MSH3: variants seen among roughly 807,000 people sequenced by gnomAD.
MSH3 encodes the protein mutS homolog 3.
In MSH3, 106 loss-of-function variants were observed where a neutral mutation model predicts 123.3. The ratio of observed to expected loss-of-function variants is 0.86; its 90% confidence interval spans 0.73 to 1.01. MSH3 has a LOEUF of 1.01. Ranked by LOEUF, MSH3 falls within the 50% of genes least tolerant of loss-of-function variation. The pLI, the probability that MSH3 is intolerant of heterozygous loss-of-function variation, is 0.00. For missense variants in MSH3, 1,459 were observed against 1,347.6 expected (o/e 1.08, Z -1.29); for synonymous variants, 515 against 481.4 (o/e 1.07, Z -0.91).
At position 80,686,072 on chromosome 5, in the gene MSH3, G is replaced by T. The variant is rs79323088; in HGVS notation, c.1340+6979G>T. Among the ~76,000 whole-genome samples, 361 of 152,238 alleles carry T rather than the reference G, an allele frequency of 2.4e-3. 1 individual carries two copies. Among genetic ancestry groups the T allele is most frequent in the African/African-American group, 8.4e-3 (349 of 41,550 alleles). On this transcript the variant is annotated intron_variant, in intron 8 of 23. Transcript: ENST00000265081. ...AGACTTGTTTTGTGACCTAACATAT[G>T]ATCTAATCTCGAGAATGTTTAGATC...
chr5:80,801,337 T>C (rs1468174045), intron 19 of MSH3, among the ~76,000 whole-genome samples: 1 of 152,186 alleles, frequency 6.6e-6, no homozygotes, highest in Non-Finnish European at 1.5e-5. Context: ...CAGGAGGTTT[T>C]ATTTACCTAG....
intron 2 of MSH3, among the ~76,000 whole-genome samples, chr5:80,662,577 A>C (rs1384910076): frequency 6.6e-6 from 1 of 152,202 alleles, no homozygotes; most frequent in Admixed American, 6.5e-5. Context: ...CTTTAATCAC[A>C]GCACTTTGGG....
Position 80,869,831 on chromosome 5 carries a change from T to TAC in MSH3, c.3131-3283_3131-3282dup, listed in dbSNP as rs1375132984. On this transcript the variant is annotated intron_variant, in intron 22 of 23. Transcript: ENST00000265081. Reference sequence around the variant, plus strand: ...ATATATACATATATATATACATATATACATATATATACACACACACACACA... The same window carrying TAC: ...ATATATACATATATATATACATATATACACATATATATACACACACACACACA... 3.9e-4 allele frequency among the ~76,000 whole-genome samples: 19 copies of TAC among 48,816 alleles called. No homozygotes were observed. In the East Asian group the frequency reaches 6.9e-3, roughly 18 times the overall value. The allele number at this position is 48,816 out of a possible 152,430, so 32.0% of individuals were successfully genotyped here.
At chr5:80,688,852 CTTGATGGTACCAAT>C (rs1452390858) in intron 8 of MSH3, among the ~76,000 whole-genome samples, 1 of 151,960 alleles carries the variant, frequency 6.6e-6, no homozygotes, top group Non-Finnish European at 1.5e-5. Flanking sequence ...GTGGTCGGTA[CTTGATGGTACCAAT>C]TTCGTGATTG....
intron 19 of MSH3, among the ~76,000 whole-genome samples, chr5:80,808,768 G>T (rs186273130): frequency 6.7e-6 from 1 of 150,224 alleles, no homozygotes; most frequent in Non-Finnish European, 1.5e-5. Context: ...AGCAGTTTCT[G>T]TGTAGTTCAA....
intron 12 of MSH3, among the ~76,000 whole-genome samples, chr5:80,757,004 T>C (rs1276816736): frequency 6.6e-6 from 1 of 152,186 alleles, no homozygotes; most frequent in Non-Finnish European, 1.5e-5. Context: ...AGTCAAACTT[T>C]TCAGTAAAAC....
At chr5:80,872,995 A>T (rs1746247134) in intron 22 of MSH3, 121 bp from the exon 23 acceptor site, 3 of 901,504 alleles carry the variant, frequency 3.3e-6, no homozygotes, top group Non-Finnish European at 5.4e-6. Context: ...ACAGGCAAGT[A>T]GGAACAGTGA....
At chr5:80,793,441 A>T (rs917198086) in intron 19 of MSH3, among the ~76,000 whole-genome samples, 1 of 152,222 alleles carries the variant, frequency 6.6e-6, no homozygotes, top group Non-Finnish European at 1.5e-5. Flanking sequence ...AGGCTAGTGC[A>T]ATACAGCTTA....
intron 19 of MSH3, among the ~76,000 whole-genome samples, chr5:80,797,678 G>T (rs1225963082): frequency 6.6e-6 from 1 of 152,224 alleles, no homozygotes; most frequent in African/African-American, 2.4e-5. Flanking sequence ...AGGCAAGCCA[G>T]TGCTTTCCAA....
intron 12 of MSH3, among the ~76,000 whole-genome samples, chr5:80,760,847 C>T (rs1277611605): frequency 6.6e-6 from 1 of 152,036 alleles, no homozygotes; most frequent in Non-Finnish European, 1.5e-5. Context: ...TTTTTATGGG[C>T]CAGGGCTAGA....
chr5:80,850,462 G>T (rs1208654238), intron 20 of MSH3, among the ~76,000 whole-genome samples: 1 of 152,200 alleles, frequency 6.6e-6, no homozygotes, highest in Non-Finnish European at 1.5e-5. Context: ...AGGTTTACTG[G>T]ACTTACAGCT....
At chr5:80,873,014 TGTACGATTTAATA>T (rs1163491383) in intron 22 of MSH3, 89 bp from the exon 23 acceptor site, 1 of 1,035,584 alleles carries the variant, frequency 9.7e-7, no homozygotes, top group Admixed American at 1.8e-5. Context: ...GATTTCAGAT[TGTACGATTTAATA>T]AAGTTATGAG....
At chr5:80,794,225 T>A (rs1287562295) in intron 19 of MSH3, among the ~76,000 whole-genome samples, 1 of 152,214 alleles carries the variant, frequency 6.6e-6, no homozygotes, top group Non-Finnish European at 1.5e-5. Flanking sequence ...CTTCAGCATC[T>A]GGCTGCCTGT....
At chr5:80,852,689 A>G (rs570111567) in intron 20 of MSH3, among the ~76,000 whole-genome samples, 4 of 152,292 alleles carry the variant, frequency 2.6e-5, no homozygotes, top group East Asian at 3.9e-4. Context: ...AAATTATACA[A>G]TTTCTCAATG....
At chr5:80,767,869 T>G in intron 13 of MSH3, 64 bp from the exon 14 acceptor site, 1 of 1,261,034 alleles carries the variant, frequency 7.9e-7, no homozygotes, top group Non-Finnish European at 1.1e-6. Flanking sequence ...CTTTTAAAAG[T>G]CACTAATTAA....
At chr5:80,818,583 G>T (rs32991) in intron 20 of MSH3, among the ~76,000 whole-genome samples, 68,692 of 151,680 alleles carry the variant, frequency 0.45, 16,401 homozygotes, top group Non-Finnish European at 0.54. Context: ...CACTGACAGG[G>T]TATCTAATGA....
chr5:80,766,301 A>G (rs1414089693), intron 13 of MSH3, among the ~76,000 whole-genome samples: 3 of 109,694 alleles, frequency 2.7e-5, no homozygotes, highest in Non-Finnish European at 2.0e-5. Flanking sequence ...CTTCTAACAT[A>G]TTATTGCTGT....
At chr5:80,852,162 C>T (rs1255519305) in intron 20 of MSH3, among the ~76,000 whole-genome samples, 1 of 152,054 alleles carries the variant, frequency 6.6e-6, no homozygotes, top group East Asian at 1.9e-4. Context: ...CTTGACTCTA[C>T]AAAAAATTTA....
chr5:80,657,313 T>C (rs569052071), intron 2 of MSH3, among the ~76,000 whole-genome samples: 206 of 152,240 alleles, frequency 1.4e-3, no homozygotes, highest in African/African-American at 4.7e-3. Flanking sequence ...TGCTGGTAGT[T>C]GCCTGTAATC....
Sources: gnomAD v4.1 joint callset for allele counts (sites outside exome capture counted in the v4.1 genomes callset) on GRCh38, gnomAD v4.1.1 for gene constraint, MANE v1.5 for transcripts, NCBI Gene and HGNC (gene_info 2026-07-23, HGNC 2026-07-21) for gene names.